The following MEAK7 variants were observed in gnomAD, a reference collection of about 807,000 sequenced individuals.
MEAK7 encodes the protein MTOR associated protein MEAK7, also known as MTOR-associated protein MEAK7.
Under a neutral mutation model 40.5 loss-of-function variants are expected in MEAK7, and 68 were observed. That is an observed-to-expected ratio of 1.68 (90% CI 1.38 to 2.06). The LOEUF (loss-of-function observed/expected upper bound fraction) is 2.06, where lower values mean the gene tolerates loss of function less well. Among genes scored for constraint, MEAK7 ranks in the 30% most tolerant of loss-of-function variants. MEAK7 has a pLI of 0.00. For synonymous variants in MEAK7, 338 were observed against 231.9 expected (o/e 1.46, Z -4.16); for missense variants, 918 against 580.5 (o/e 1.58, Z -5.98).
chr16:84,490,252 T>C (rs529362495), intron 3 of MEAK7, among the ~76,000 whole-genome samples: 2 of 150,142 alleles, frequency 1.3e-5, no homozygotes, highest in Non-Finnish European at 3.0e-5. Context: ...ACAAGGCCTC[T>C]GAATTGGCTA....
chr16:84,495,714 T>C lies in MEAK7; in HGVS notation c.353A>G (p.Glu118Gly), dbSNP rs931473727. The change falls in exon 3 of 8, where the codon GAA becomes GGA. Residue 118 changes from glutamate to glycine, a missense_variant. Physicochemically the swap from Glu to Gly is moderately conservative, Grantham distance 98. Coordinates refer to ENST00000343629, the MANE Select transcript of MEAK7 (RefSeq NM_020947.4). ...LMIMKMISATEGPVKAREVQK... is the reference protein window; with the variant it reads ...LMIMKMISATGGPVKAREVQK... ...GACTTCTCTGGCCTTCACGGGACCTTCTGTGGCAGAAATCATTTTCATAAT... is the reference window on the plus strand; with the variant it reads ...GACTTCTCTGGCCTTCACGGGACCTCCTGTGGCAGAAATCATTTTCATAAT... The C allele has an allele frequency of 9.3e-6, 15 of 1,614,160 alleles. No individual in the cohort carries two copies. The highest frequency in any genetic ancestry group is 1.3e-5 in the Non-Finnish European group (15 of 1,180,022).
In MEAK7 at chr16:84,482,576, C is replaced by G; in HGVS notation, c.1077+16G>C. ...ACATCACCAAGGCAAGACCACCACG[C>G]TCTGCCCGGGCTCACCAGTCCGTTC... On this transcript the variant is annotated intron_variant, in intron 6 of 7. Transcript: ENST00000343629. 6.2e-7 allele frequency: 1 copy of G among 1,614,058 alleles called. No individual in the cohort carries two copies. The highest frequency in any genetic ancestry group is 1.7e-4 in the Middle Eastern group (1 of 6,056).
chr16:84,491,449 G>C lies in MEAK7; in HGVS notation c.385-2027C>G, dbSNP rs185906058. On this transcript the variant is annotated intron_variant, in intron 3 of 7. Coordinates refer to ENST00000343629, the MANE Select transcript of MEAK7 (RefSeq NM_020947.4). ...ACCTACTTGGGATGCTGAGGCAGGAGAATCGCTTGAGCCTGGGAGGCAGAG... is the reference window on the plus strand; with the variant it reads ...ACCTACTTGGGATGCTGAGGCAGGACAATCGCTTGAGCCTGGGAGGCAGAG... 4.6e-5 allele frequency among the ~76,000 whole-genome samples: 7 copies of C among 151,670 alleles called. No individual in the cohort carries two copies. In the East Asian group the frequency reaches 9.7e-4, roughly 21 times the overall value.
chr16:84,486,810 C>A lies in MEAK7; in HGVS notation c.779G>T (p.Arg260Leu), dbSNP rs142709098. Residue 260 changes from arginine (R) to leucine (L), a missense_variant, in exon 5 of 8, where the codon CGG (arginine) becomes CTG (leucine). Transcript: ENST00000343629. Reference sequence around the variant, plus strand: ...CAGGCACCAGCGGTGCCGCTGCTCCCGAGGCAGCTGGGCGTTGATGTACAT... The same window carrying A: ...CAGGCACCAGCGGTGCCGCTGCTCCAGAGGCAGCTGGGCGTTGATGTACAT... Reference protein sequence around the residue: ...SVMYINAQLPREQRHRWCLLF... With the variant: ...SVMYINAQLPLEQRHRWCLLF... 226 of 1,613,846 alleles carry A rather than the reference C, an allele frequency of 1.4e-4. No individual in the cohort carries two copies. Among genetic ancestry groups the A allele is most frequent in the Middle Eastern group, 1.6e-4 (1 of 6,084 alleles).
Position 84,480,012 on chromosome 16 carries a change from C to G in MEAK7, c.1272G>C (p.Lys424Asn). ...PSEEQLAKGNKSILDADPEAQ... is the reference protein window; with the variant it reads ...PSEEQLAKGNNSILDADPEAQ... Reference sequence around the variant, plus strand: ...CCTCAGGGTCCGCATCCAGGATGCTCTTGTTGCCCTTGGCCTTGAGAAGAG... The same window carrying G: ...CCTCAGGGTCCGCATCCAGGATGCTGTTGTTGCCCTTGGCCTTGAGAAGAG... Residue 424 changes from lysine to asparagine, a missense_variant, in exon 8 of 8, where the codon AAG (lysine) becomes AAC (asparagine). Transcript: ENST00000343629. 1 of 1,601,958 alleles carries G rather than the reference C, an allele frequency of 6.2e-7. No individual in the cohort carries two copies. The highest frequency in any genetic ancestry group is 8.5e-7 in the Non-Finnish European group (1 of 1,171,818).
chr16:84,504,120 G>A, intron 1 of MEAK7: 2 of 985,496 alleles, frequency 2.0e-6, no homozygotes, highest in Non-Finnish European at 2.4e-6. Context: ...CACCTACATG[G>A]CCTGGGAACA....
At chr16:84,484,545 A>C (rs1912865730) in intron 5 of MEAK7, among the ~76,000 whole-genome samples, 1 of 152,328 alleles carries the variant, frequency 6.6e-6, no homozygotes, top group South Asian at 2.1e-4. Context: ...TCTAAGTATA[A>C]TCAGTTCTTC....
At position 84,482,494 on chromosome 16, in the gene MEAK7, A is replaced by C. The variant is rs973119137; in HGVS notation, c.1077+98T>G. 4.0e-5 allele frequency: 64 copies of C among 1,582,744 alleles called. No homozygotes were observed. In the Admixed American group the frequency reaches 6.7e-4, roughly 16 times the overall value. ...TGGCGTGCGTGAGGAACTGAATGCCACGCGCCCTGCCCTGATCTGTGGAGC... is the reference window on the plus strand; with the variant it reads ...TGGCGTGCGTGAGGAACTGAATGCCCCGCGCCCTGCCCTGATCTGTGGAGC... On this transcript the variant is annotated intron_variant, in intron 6 of 7. Coordinates refer to ENST00000343629, the MANE Select transcript of MEAK7 (RefSeq NM_020947.4).
rs1202369319 is a variant in MEAK7, at chr16:84,485,742, G to T, written c.958+889C>A. On this transcript the variant is annotated intron_variant, in intron 5 of 7. Coordinates refer to ENST00000343629, the MANE Select transcript of MEAK7 (RefSeq NM_020947.4). ...CTGTTGCTCAGGCTGGAGTGCGGTG[G>T]TATGATCTCGGCTCACTGCAACTCT... 3.3e-5 allele frequency among the ~76,000 whole-genome samples: 5 copies of T among 152,274 alleles called. No individual in the cohort carries two copies. The South Asian group carries it at 8.3e-4, about 25-fold the overall frequency.
At chr16:84,489,122 T>A (rs979114405) in intron 4 of MEAK7, among the ~76,000 whole-genome samples, 156 bp downstream of exon 4, 1 of 152,232 alleles carries the variant, frequency 6.6e-6, no homozygotes, top group East Asian at 1.9e-4. Flanking sequence ...AAATAAGGAT[T>A]ATTTTAAAAT....
rs928148271 is a variant in MEAK7 at position 84,504,649 on chromosome 16, C to A, written c.-74G>T. ...CCGGTCCGGTCCAGCAGCCCACGGG[C>A]TCCTCTCGAGAGCCGCCCCTTCCCT... On this transcript the variant is annotated 5_prime_UTR_variant, in exon 1 of 8. Transcript: ENST00000343629. 4 of 985,644 alleles carry A rather than the reference C, an allele frequency of 4.1e-6. No homozygotes were observed. Among genetic ancestry groups the A allele is most frequent in the South Asian group, 4.7e-5 (1 of 21,294 alleles). The allele number at this position is 985,644 out of a possible 1,614,324, so 61.1% of individuals were successfully genotyped here. A position where few individuals can be genotyped will look rare whatever the true frequency, so the allele number is the denominator to read the frequency against.
At position 84,486,715 on chromosome 16, in the gene MEAK7, A is replaced by G; in HGVS notation, c.874T>C (p.Cys292Arg). The G allele has an allele frequency of 1.2e-6, 2 of 1,614,002 alleles. No individual in the cohort carries two copies. Among genetic ancestry groups the G allele is most frequent in the Non-Finnish European group, 1.7e-6 (2 of 1,179,876 alleles). ...TCATGGTCCTCGAGGACAGCCACAC[A>G]GGGTCCCCGGTGAGTGATGTGGCCA... ...LCGHITHRGPCVAVLEDHDKH... is the reference protein window; with the variant it reads ...LCGHITHRGPRVAVLEDHDKH... Residue 292 changes from cysteine to arginine, a missense_variant, in exon 5 of 8, where the codon TGT (cysteine) becomes CGT (arginine). By Grantham distance (180) the Cys-to-Arg change is radical. Coordinates refer to ENST00000343629, the MANE Select transcript of MEAK7 (RefSeq NM_020947.4).
chr16:84,487,079 A>T lies in MEAK7; in HGVS notation c.530-20T>A. 1 of 1,596,892 alleles carries T rather than the reference A, an allele frequency of 6.3e-7. No individual in the cohort carries two copies. Among genetic ancestry groups the T allele is most frequent in the Non-Finnish European group, 8.5e-7 (1 of 1,172,116 alleles). ...TGCCATCTAGGGGAAGGGGATGGTC[A>T]GCATTAGTGGGGCTGTTATGTCACC... On this transcript the variant is annotated intron_variant, in intron 4 of 7. Coordinates refer to ENST00000343629, the MANE Select transcript of MEAK7 (RefSeq NM_020947.4).
intron 2 of MEAK7, 148 bp from the exon 3 acceptor site, chr16:84,496,061 A>G: frequency 2.6e-6 from 2 of 783,616 alleles, no homozygotes; most frequent in Non-Finnish European, 4.0e-6. Flanking sequence ...TTTCTTGTAA[A>G]GCCCCGTCTC....
At chr16:84,497,422 T>C (rs1914139169) in intron 2 of MEAK7, 1 of 1,288,188 alleles carries the variant, frequency 7.8e-7, no homozygotes, top group Non-Finnish European at 1.0e-6. Context: ...CACATACACA[T>C]TCTAGAGGCA....
intron 2 of MEAK7, chr16:84,497,268 C>T (rs956722991): frequency 3.0e-5 from 15 of 502,842 alleles, no homozygotes; most frequent in Non-Finnish European, 4.1e-5. Flanking sequence ...TGCCTCAGTC[C>T]GAGCACTCAA....
At chr16:84,501,513 G>T (rs1372886498) in intron 1 of MEAK7, among the ~76,000 whole-genome samples, 1 of 152,186 alleles carries the variant, frequency 6.6e-6, no homozygotes, top group Non-Finnish European at 1.5e-5. Context: ...CCGGGAGAAA[G>T]GTGCAGGGCT....
chr16:84,486,103 G>C (rs1350308040), intron 5 of MEAK7: 1 of 152,756 alleles, frequency 6.5e-6, no homozygotes, highest in East Asian at 1.9e-4. Context: ...TGGGATTCCA[G>C]GTGTGAGCCA....
rs184899102 is a variant in MEAK7 at position 84,497,884 on chromosome 16, T to C, written c.153+50A>G. ...AGATTCTGGCCTGAAAGCCACAGTT[T>C]GCAGACCCCTGCTCCCAACTAAACA... On this transcript the variant is annotated intron_variant, in intron 2 of 7. Transcript: ENST00000343629. 5.0e-6 allele frequency: 8 copies of C among 1,610,028 alleles called. No individual in the cohort carries two copies. In the East Asian group the frequency reaches 1.8e-4, roughly 36 times the overall value.
Sources: gnomAD v4.1 joint callset for allele counts (sites outside exome capture counted in the v4.1 genomes callset) on GRCh38, gnomAD v4.1.1 for gene constraint, MANE v1.5 for transcripts, NCBI Gene and HGNC (gene_info 2026-07-23, HGNC 2026-07-21) for gene names.